The following RAPGEF1 variants were observed in gnomAD, a reference collection of about 807,000 sequenced individuals.
RAPGEF1 encodes Rap guanine nucleotide exchange factor 1.
Under a neutral mutation model 143.3 loss-of-function variants are expected in RAPGEF1, and 33 were observed. The ratio of observed to expected loss-of-function variants is 0.23; its 90% CI spans 0.17 to 0.31. RAPGEF1 has a LOEUF of 0.31. RAPGEF1 is among the 10% of genes least tolerant of loss of function. The pLI, the probability that RAPGEF1 is intolerant of heterozygous loss-of-function variation, is 1.00. For synonymous variants in RAPGEF1, 629 were observed against 676.5 expected, an observed-to-expected ratio of 0.93 and a Z score of 1.09; for missense variants, 1,199 against 1,645.4, an observed-to-expected ratio of 0.73 and a Z score of 4.69.
intron 16 of RAPGEF1, among the ~76,000 whole-genome samples, chr9:131,597,880 C>T (rs189551581): frequency 6.6e-6 from 1 of 152,296 alleles, no homozygotes; most frequent in East Asian, 1.9e-4. Flanking sequence ...GGGCCGGCCA[C>T]ATGCAGGCTC....
intron 1 of RAPGEF1, among the ~76,000 whole-genome samples, chr9:131,725,619 C>A (rs1836605144): frequency 6.6e-6 from 1 of 152,140 alleles, no homozygotes; most frequent in Non-Finnish European, 1.5e-5. Flanking sequence ...CCACTGCACC[C>A]AGCTCTGTTT....
chr9:131,596,027 C>T (rs530945593), intron 17 of RAPGEF1, among the ~76,000 whole-genome samples: 2 of 152,320 alleles, frequency 1.3e-5, no homozygotes, highest in South Asian at 4.1e-4. Flanking sequence ...CTGTGGTGCG[C>T]TTAGTATGCG....
intron 4 of RAPGEF1, among the ~76,000 whole-genome samples, chr9:131,639,463 TGTGTGA>T (rs761311726): frequency 7.5e-6 from 1 of 133,712 alleles, no homozygotes. Flanking sequence ...TGTGTGTGTG[TGTGTGA>T]GAGAGAGACC....
chr9:131,685,979 G>A (rs993731058), intron 1 of RAPGEF1, among the ~76,000 whole-genome samples: 20 of 151,972 alleles, frequency 1.3e-4, no homozygotes, highest in Admixed American at 1.0e-3. Context: ...ATGGAGAGGC[G>A]AGGTGACTGC....
At chr9:131,668,866 C>T (rs1830875705) in intron 1 of RAPGEF1, among the ~76,000 whole-genome samples, 1 of 152,240 alleles carries the variant, frequency 6.6e-6, no homozygotes, top group Admixed American at 6.5e-5. Context: ...GCAGAGCCCT[C>T]CCCCGGCCTT....
chr9:131,582,122 C>G (rs1036594051), intron 25 of RAPGEF1, among the ~76,000 whole-genome samples: 2 of 152,212 alleles, frequency 1.3e-5, no homozygotes, highest in African/African-American at 4.8e-5. Flanking sequence ...CCATGGTCCA[C>G]GCTCAGGAAG....
chr9:131,586,673 T>A (rs1588191668), intron 22 of RAPGEF1, among the ~76,000 whole-genome samples: 1 of 88,638 alleles, frequency 1.1e-5, no homozygotes, highest in African/African-American at 5.0e-5. Flanking sequence ...CACACACCCC[T>A]GCAGAGTGAG....
chr9:131,737,626 A>G lies in RAPGEF1; in HGVS notation c.61+2144T>C, dbSNP rs1333696790. 3 of 1,440,520 alleles carry G rather than the reference A, an allele frequency of 2.1e-6. No individual in the cohort carries two copies. In the African/African-American group the frequency reaches 4.3e-5, roughly 21 times the overall value. The allele number at this position is 1,440,520 out of a possible 1,614,324, so 89.2% of individuals were successfully genotyped here. A position where few individuals can be genotyped will look rare whatever the true frequency, so the allele number is the denominator to read the frequency against. ...TCAAATGAAGAGTCATTTCATTCCC[A>G]GCGGTTTGGGCAGCTCATGGGATGA... On this transcript the variant is annotated intron_variant, in intron 1 of 26. Transcript: ENST00000683357.
chr9:131,629,240 G>A lies in RAPGEF1; in HGVS notation c.755C>T (p.Pro252Leu), dbSNP rs1330928344. Residue 252 changes from proline to leucine, a missense_variant, in exon 7 of 27, where the codon CCC (proline) becomes CTC (leucine). Transcript: ENST00000683357. ...GATCTCTACCTCGCGGTCTGTCAGG[G>A]GGAGCTCTGCTGGGCTGGAGAATTG... Reference protein sequence around the residue: ...ASKPDGPAELPLTDREVEILN... With the variant: ...ASKPDGPAELLLTDREVEILN... The A allele has an allele frequency of 1.9e-6, 3 of 1,613,826 alleles. No homozygotes were observed. The Admixed American group carries it at 5.0e-5, about 27-fold the overall frequency.
intron 1 of RAPGEF1, among the ~76,000 whole-genome samples, chr9:131,724,924 T>C (rs1836542272): frequency 6.6e-6 from 1 of 152,214 alleles, no homozygotes; most frequent in Admixed American, 6.5e-5. Flanking sequence ...CTTACCCATT[T>C]ATCATAAAGG....
intron 1 of RAPGEF1, among the ~76,000 whole-genome samples, chr9:131,661,037 A>C (rs150931942): frequency 1.6e-3 from 241 of 152,368 alleles, no homozygotes; most frequent in African/African-American, 5.3e-3. Flanking sequence ...AAGAAAAAAC[A>C]GGGAACACTA....
intron 1 of RAPGEF1, among the ~76,000 whole-genome samples, chr9:131,718,572 G>A (rs780196364): frequency 5.9e-5 from 9 of 152,116 alleles, no homozygotes; most frequent in Non-Finnish European, 1.2e-4. Context: ...AAATCGCAGG[G>A]GTTTACCGAG....
At chr9:131,651,321 C>G (rs1012188341) in intron 1 of RAPGEF1, among the ~76,000 whole-genome samples, 1 of 152,158 alleles carries the variant, frequency 6.6e-6, no homozygotes, top group Non-Finnish European at 1.5e-5. Context: ...AAAGGAAGGC[C>G]CTTTCGCATC....
In RAPGEF1 at chr9:131,671,587, GC is replaced by G. The variant is rs1469648973; in HGVS notation, c.62-20639del. On this transcript the variant is annotated intron_variant, in intron 1 of 26. Coordinates refer to ENST00000683357, the MANE Select transcript of RAPGEF1 (RefSeq NM_001377935.1). Reference sequence around the variant, plus strand: ...GTCTATAAGCTGACAAGAAAGTCAAGCCTCCAACCCAGGGCTATGGCACACT... The same window carrying G: ...GTCTATAAGCTGACAAGAAAGTCAAGCTCCAACCCAGGGCTATGGCACACT... 3.3e-5 allele frequency among the ~76,000 whole-genome samples: 5 copies of G among 152,218 alleles called. 1 individual carries two copies. The highest frequency in any genetic ancestry group is 1.3e-4 in the Admixed American group (2 of 15,288).
chr9:131,693,552 A>T (rs1589027744), intron 1 of RAPGEF1, among the ~76,000 whole-genome samples: 2 of 152,114 alleles, frequency 1.3e-5, no homozygotes. Flanking sequence ...ACTCTGAAAC[A>T]ACCAATCTGC....
chr9:131,587,774 C>G lies in RAPGEF1; in HGVS notation c.3195G>C (p.Leu1065Phe), dbSNP rs1256191641. The G allele has an allele frequency of 6.2e-7, 1 of 1,613,828 alleles. No homozygotes were observed. Among genetic ancestry groups the G allele is most frequent in the Non-Finnish European group, 8.5e-7 (1 of 1,179,846 alleles). ...TGTTGAAGTGCTCCGTGAACTGGGTCAAGTTGGGGCTCTTCTCCTCATTCT... is the reference window on the plus strand; with the variant it reads ...TGTTGAAGTGCTCCGTGAACTGGGTGAAGTTGGGGCTCTTCTCCTCATTCT... ...KEQNEEKSPNLTQFTEHFNNM... is the reference protein window; with the variant it reads ...KEQNEEKSPNFTQFTEHFNNM... Residue 1065 changes from leucine (L) to phenylalanine (F), a missense_variant, in exon 22 of 27, where the codon TTG becomes TTC. By Grantham distance (22) the Leu-to-Phe change is conservative. Around this residue, in one of 6 missense-constraint regions of RAPGEF1, gnomAD observed 209 missense variants for 403.0 expected, o/e 0.52. Transcript: ENST00000683357.
chr9:131,642,868 C>T (rs917337362), intron 4 of RAPGEF1, among the ~76,000 whole-genome samples: 3 of 152,184 alleles, frequency 2.0e-5, no homozygotes, highest in East Asian at 1.9e-4. Context: ...GTAGCTTCCA[C>T]CTGACAGATA....
intron 1 of RAPGEF1, among the ~76,000 whole-genome samples, chr9:131,696,944 C>T (rs1470725600): frequency 6.6e-6 from 1 of 152,222 alleles, no homozygotes; most frequent in Non-Finnish European, 1.5e-5. Flanking sequence ...CGTATTCACG[C>T]CTCATATGCT....
intron 22 of RAPGEF1, among the ~76,000 whole-genome samples, chr9:131,586,554 C>A: frequency 1.7e-5 from 1 of 59,600 alleles, no homozygotes. Context: ...ACCTGCAGAG[C>A]GAGACTCCGT....
Sources: allele counts gnomAD v4.1 joint callset (sites outside exome capture counted in the v4.1 genomes callset), GRCh38; gene constraint gnomAD v4.1.1; regional missense constraint gnomAD v4.1.1; transcripts MANE v1.5; gene names NCBI Gene and HGNC (gene_info 2026-07-23, HGNC 2026-07-21).